The following ARHGAP8 variants were observed in gnomAD, a reference collection of about 807,000 sequenced individuals.
ARHGAP8 encodes the protein rho GTPase-activating protein 8.
A neutral mutation model predicts 46.1 loss-of-function variants in ARHGAP8; 62 were observed. The ratio of observed to expected loss-of-function variants is 1.34; its 90% CI spans 1.10 to 1.66. The LOEUF is 1.66. Among genes scored for constraint, ARHGAP8 ranks in the 40% most tolerant of loss-of-function variants. ARHGAP8 has a pLI of 0.00. For missense variants in ARHGAP8, 923 were observed against 568.4 expected, an observed-to-expected ratio of 1.62 and a Z score of -6.34; for synonymous variants, 375 against 243.1, an observed-to-expected ratio of 1.54 and a Z score of -5.05.
At chr22:44,851,518 TGAAAATGAA>T (rs1192276254) in intron 10 of ARHGAP8, among the ~76,000 whole-genome samples, 126 of 152,198 alleles carry the variant, frequency 8.3e-4, no homozygotes, top group Non-Finnish European at 1.9e-4. Flanking sequence ...GGAACCTTTA[TGAAAATGAA>T]GAAAATGAAG....
rs1345399481 is a variant in ARHGAP8 at position 44,822,491 on chromosome 22, GA to G, written c.485+24del. On this transcript the variant is annotated intron_variant, in intron 6 of 11. Coordinates refer to ENST00000356099, the MANE Select transcript of ARHGAP8 (RefSeq NM_181335.3). ...TGCGGTAAGTGCCTGTTAGACCCCAGAAGCCGCATCAATACATCTTCGTGCT... is the reference window on the plus strand; with the variant it reads ...TGCGGTAAGTGCCTGTTAGACCCCAGAGCCGCATCAATACATCTTCGTGCT... 9 of 1,519,488 alleles carry G rather than the reference GA, an allele frequency of 5.9e-6. No individual in the cohort carries two copies. In the African/African-American group the frequency reaches 1.2e-4, roughly 20 times the overall value. The allele number at this position is 1,519,488 out of a possible 1,614,324, so 94.1% of individuals were successfully genotyped here.
intron 1 of ARHGAP8, among the ~76,000 whole-genome samples, chr22:44,781,815 G>A (rs112850820): frequency 0.015 from 2,255 of 151,928 alleles, 60 homozygotes; most frequent in African/African-American, 0.051. Flanking sequence ...GTGAGCCACC[G>A]TGCCTGGCCT....
At chr22:44,755,439 C>T (rs1315871133) in intron 1 of ARHGAP8, among the ~76,000 whole-genome samples, 3 of 152,172 alleles carry the variant, frequency 2.0e-5, no homozygotes, top group Non-Finnish European at 4.4e-5. Flanking sequence ...TAACTTTTAC[C>T]CCTTGGTCCT....
intron 3 of ARHGAP8, among the ~76,000 whole-genome samples, chr22:44,804,306 G>A (rs1928783167): frequency 6.6e-6 from 1 of 152,022 alleles, no homozygotes; most frequent in Admixed American, 6.5e-5. Context: ...AAACTCCCCG[G>A]CCCAGGAGAG....
intron 1 of ARHGAP8, among the ~76,000 whole-genome samples, chr22:44,776,705 C>T (rs1307247195): frequency 2.0e-5 from 3 of 152,084 alleles, no homozygotes; most frequent in African/African-American, 4.8e-5. Context: ...CTGGGCACTC[C>T]GGGAGGATTT....
At chr22:44,782,987 C>T (rs536954170) in intron 1 of ARHGAP8, among the ~76,000 whole-genome samples, 12 of 152,132 alleles carry the variant, frequency 7.9e-5, no homozygotes, top group Middle Eastern at 3.4e-3. Context: ...TGTAGGGCCA[C>T]GGGGGTTTCC....
intron 2 of ARHGAP8, among the ~76,000 whole-genome samples, chr22:44,796,870 G>A (rs1220924256): frequency 1.3e-5 from 2 of 152,178 alleles, no homozygotes; most frequent in East Asian, 1.9e-4. Flanking sequence ...TAGATTTGTA[G>A]GCAGCTTGTC....
intron 7 of ARHGAP8, among the ~76,000 whole-genome samples, chr22:44,832,916 C>T (rs560856908): frequency 1.2e-4 from 18 of 151,854 alleles, no homozygotes; most frequent in African/African-American, 3.4e-4. Context: ...CACTTGAGGC[C>T]GGGAGTTCAA....
chr22:44,845,471 G>A lies in ARHGAP8; in HGVS notation c.670+129G>A, dbSNP rs868157781. 2.5e-5 allele frequency: 31 copies of A among 1,258,298 alleles called. No homozygotes were observed. The Middle Eastern group carries it at 2.2e-3, about 88-fold the overall frequency. The allele number at this position is 1,258,298 out of a possible 1,614,324, so 77.9% of individuals were successfully genotyped here. A position where few individuals can be genotyped will look rare whatever the true frequency, so the allele number is the denominator to read the frequency against. ...CCAGGAAGGGAGGGGCTCAAGCACA[G>A]TGGCTCCAGGTCTGGGCTCTGGCCT... On this transcript the variant is annotated intron_variant, in intron 8 of 11. Coordinates refer to ENST00000356099, the MANE Select transcript of ARHGAP8 (RefSeq NM_181335.3).
chr22:44,768,015 T>G (rs1925714724), intron 1 of ARHGAP8, among the ~76,000 whole-genome samples: 7 of 126,148 alleles, frequency 5.5e-5, no homozygotes, highest in Admixed American at 3.2e-4. Flanking sequence ...TTTTTTTTTT[T>G]GTGAGACAGA....
rs145986289 is a variant in ARHGAP8, at chr22:44,858,198, C to T, written c.878-1533C>T. ...TGGCAGTGGGTGTTTGTAGAGCACCCGGTGGTCACCAGCAACTCTGTGCAA... is the reference window on the plus strand; with the variant it reads ...TGGCAGTGGGTGTTTGTAGAGCACCTGGTGGTCACCAGCAACTCTGTGCAA... On this transcript the variant is annotated intron_variant, in intron 10 of 11. Coordinates refer to ENST00000356099, the MANE Select transcript of ARHGAP8 (RefSeq NM_181335.3). Among the ~76,000 whole-genome samples the T allele has an allele frequency of 4.8e-3, 728 of 152,224 alleles. 7 individuals are homozygous for T. The highest frequency in any genetic ancestry group is 0.019 in the South Asian group (92 of 4,820).
chr22:44,842,565 C>G (rs1931723711), intron 7 of ARHGAP8, among the ~76,000 whole-genome samples: 1 of 152,200 alleles, frequency 6.6e-6, no homozygotes, highest in South Asian at 2.1e-4. Flanking sequence ...CTCAGTGGCT[C>G]AGGCAGGTGG....
intron 10 of ARHGAP8, chr22:44,850,979 A>AT (rs1232804421): frequency 2.6e-5 from 4 of 151,592 alleles, no homozygotes; most frequent in African/African-American, 9.7e-5. Context: ...AAAAAAAAAA[A>AT]AAAGCTTGCA....
intron 7 of ARHGAP8, among the ~76,000 whole-genome samples, chr22:44,839,326 G>A (rs902709649): frequency 7.2e-5 from 11 of 152,292 alleles, no homozygotes; most frequent in African/African-American, 1.4e-4. Flanking sequence ...TGTCCCCAAC[G>A]TGAAGCTTCA....
intron 10 of ARHGAP8, among the ~76,000 whole-genome samples, chr22:44,853,951 C>T (rs375629050): frequency 3.2e-4 from 45 of 140,782 alleles, no homozygotes; most frequent in African/African-American, 1.0e-3. Flanking sequence ...CGCTTGAACC[C>T]GGGAGGCAGA....
At chr22:44,836,906 G>A (rs1422558103) in intron 7 of ARHGAP8, among the ~76,000 whole-genome samples, 4 of 151,786 alleles carry the variant, frequency 2.6e-5, no homozygotes, top group African/African-American at 9.7e-5. Context: ...TGAGGCAGAG[G>A]CTCACTCTGT....
At chr22:44,833,096 CTTTTT>C (rs533794156) in intron 7 of ARHGAP8, among the ~76,000 whole-genome samples, 12 of 120,432 alleles carry the variant, frequency 1.0e-4, no homozygotes, top group Admixed American at 9.2e-4. Context: ...CTTTTCTTTT[CTTTTT>C]TTTTTTTTTT....
At chr22:44,792,566 T>G (rs1424585241) in intron 2 of ARHGAP8, among the ~76,000 whole-genome samples, 1 of 152,156 alleles carries the variant, frequency 6.6e-6, no homozygotes, top group Non-Finnish European at 1.5e-5. Flanking sequence ...CCAGGACTTC[T>G]TCGGCCAAGG....
Position 44,849,038 on chromosome 22 carries a change from C to G in ARHGAP8, c.855C>G (p.Tyr285Ter). ...LPQPLLTFQA[Y>*]EQILGITCVE... is the part of the protein sequence containing the mutation. ...AGCCGCTTCTGACCTTCCAGGCCTA[C>G]GAGCAGATTCTCGGGATCACCTGTG... The change falls in exon 10 of 12, where the codon TAC (tyrosine) becomes TAG (stop). Residue 285 changes from tyrosine (Y) to a stop codon, truncating the protein, a stop_gained. Coordinates refer to ENST00000356099, the MANE Select transcript of ARHGAP8 (RefSeq NM_181335.3). LOFTEE classifies it high-confidence loss of function. The G allele has an allele frequency of 3.1e-6, 5 of 1,613,984 alleles. No individual in the cohort carries two copies. The highest frequency in any genetic ancestry group is 3.4e-6 in the Non-Finnish European group (4 of 1,179,946).
Sources: allele counts gnomAD v4.1 joint callset (sites outside exome capture counted in the v4.1 genomes callset), GRCh38; gene constraint gnomAD v4.1.1; transcripts MANE v1.5; gene names NCBI Gene and HGNC (gene_info 2026-07-23, HGNC 2026-07-21).